Variants in RGS7 observed in about 807,000 individuals in gnomAD.
RGS7 encodes regulator of G protein signaling 7, also known as regulator of G-protein signaling 7.
Under a neutral mutation model 81.1 loss-of-function variants are expected in RGS7, and 27 were observed. The ratio of observed to expected loss-of-function variants is 0.33; its 90% CI spans 0.25 to 0.46. The LOEUF (loss-of-function observed/expected upper bound fraction) is 0.46. Among genes scored for constraint, RGS7 ranks in the 20% least tolerant of loss-of-function variants. RGS7 has a pLI of 1.00. For synonymous variants in RGS7, 208 were observed against 207.7 expected, an observed-to-expected ratio of 1.00 and a Z score of -0.01; for missense variants, 396 against 607.4, an observed-to-expected ratio of 0.65 and a Z score of 3.66.
chr1:241,271,195 A>T lies in RGS7; in HGVS notation c.78+84504T>A, dbSNP rs1489480074. Among the ~76,000 whole-genome samples the T allele has an allele frequency of 6.6e-6, 1 of 152,168 alleles. No homozygotes were observed. On this transcript the variant is annotated intron_variant, in intron 2 of 18. Transcript: ENST00000440928. The surrounding 1 kb of genome is among the most constrained non-coding windows in gnomAD (Gnocchi z 4.6). ...TCTCCTTTATAATGTGGAGCTAAAC[A>T]GTTCAAAATCTTGAACAGATCTTAT...
At chr1:240,976,910 A>ATATT (rs1558548194) in intron 4 of RGS7, among the ~76,000 whole-genome samples, 2 of 43,818 alleles carry the variant, frequency 4.6e-5, no homozygotes, top group Non-Finnish European at 7.7e-5. Flanking sequence ...TCCATCTATT[A>ATATT]TCTTTCTATC....
chr1:241,041,106 T>C (rs76171938), intron 3 of RGS7, among the ~76,000 whole-genome samples: 2,353 of 152,302 alleles, frequency 0.015, 41 homozygotes, highest in African/African-American at 0.036. Context: ...AATGTATATA[T>C]TTATTCTGAT....
intron 5 of RGS7, among the ~76,000 whole-genome samples, chr1:240,931,146 A>G (rs562439987): frequency 1.3e-5 from 2 of 152,296 alleles, no homozygotes; most frequent in Admixed American, 6.5e-5. Context: ...AATATAACAA[A>G]TTGTTTTCTA....
intron 3 of RGS7, among the ~76,000 whole-genome samples, chr1:241,039,358 A>G (rs2060489777): frequency 6.6e-6 from 1 of 152,204 alleles, no homozygotes; most frequent in Non-Finnish European, 1.5e-5. Context: ...ACAAGGCGCC[A>G]TATCTCGTTC....
At chr1:241,207,108 A>G (rs1029639826) in intron 2 of RGS7, among the ~76,000 whole-genome samples, 2 of 151,054 alleles carry the variant, frequency 1.3e-5, no homozygotes, top group African/African-American at 4.9e-5. Flanking sequence ...AGCTGGGACT[A>G]CAGGTGCCCA....
At chr1:241,004,764 G>A (rs1032564232) in intron 3 of RGS7, among the ~76,000 whole-genome samples, 1 of 152,172 alleles carries the variant, frequency 6.6e-6, no homozygotes, top group Non-Finnish European at 1.5e-5. Context: ...ATGGGGCAGA[G>A]CTCTCTCTGG....
chr1:241,091,418 G>A (rs1209104549), intron 3 of RGS7, among the ~76,000 whole-genome samples: 1 of 151,794 alleles, frequency 6.6e-6, no homozygotes, highest in South Asian at 2.1e-4. Flanking sequence ...TGTGGTGGCA[G>A]GCACCTGTAG....
chr1:241,061,657 G>A (rs1041951811), intron 3 of RGS7, among the ~76,000 whole-genome samples: 5 of 152,168 alleles, frequency 3.3e-5, no homozygotes, highest in African/African-American at 9.7e-5. Flanking sequence ...GGGAACAGGC[G>A]AGGAGAAGGC....
chr1:240,888,867 G>A (rs1016388499), intron 6 of RGS7, among the ~76,000 whole-genome samples: 2 of 152,142 alleles, frequency 1.3e-5, no homozygotes, highest in Non-Finnish European at 2.9e-5. Flanking sequence ...GAACGCGGAG[G>A]CAGAGAGAGG....
chr1:241,108,995 C>T (rs542222125), intron 2 of RGS7, among the ~76,000 whole-genome samples: 1 of 152,220 alleles, frequency 6.6e-6, no homozygotes, highest in Admixed American at 6.5e-5. Flanking sequence ...ACCTCCTGAT[C>T]CCACTTGAGC....
At chr1:241,007,170 G>A (rs570115224) in intron 3 of RGS7, among the ~76,000 whole-genome samples, 1 of 152,234 alleles carries the variant, frequency 6.6e-6, no homozygotes, top group East Asian at 1.9e-4. Context: ...ACCCATCTCA[G>A]CATCCCAAAG....
chr1:240,998,475 C>G, intron 3 of RGS7: 1 of 996,178 alleles, frequency 1.0e-6, no homozygotes, highest in Admixed American at 1.8e-5. Flanking sequence ...CCCATGTCAC[C>G]ATCAGACTTC....
At chr1:241,262,462 A>G (rs10754722) in intron 2 of RGS7, among the ~76,000 whole-genome samples, 19,942 of 152,202 alleles carry the variant, frequency 0.13, 1,456 homozygotes, top group East Asian at 0.21. Context: ...ACTATCAACA[A>G]TCTCAATAAG....
Position 240,969,352 on chromosome 1 carries a change from T to C in RGS7, c.226+13727A>G, listed in dbSNP as rs981009526. ...GCCAGCTACTGGAAGAATCAGACAA[T>C]GCCACAGGACAATTGTGCATCGTCC... is the stretch of plus-strand genomic sequence containing the variant. On this transcript the variant is annotated intron_variant, in intron 4 of 18. Coordinates refer to ENST00000440928, the MANE Select transcript of RGS7 (RefSeq NM_001364886.1). Among the ~76,000 whole-genome samples the C allele has an allele frequency of 3.9e-5, 6 of 152,162 alleles. 1 individual carries two copies. The highest frequency in any genetic ancestry group is 1.3e-4 in the Admixed American group (2 of 15,278).
chr1:241,234,847 G>A (rs1197687121), intron 2 of RGS7, among the ~76,000 whole-genome samples: 5 of 151,078 alleles, frequency 3.3e-5, no homozygotes, highest in African/African-American at 4.9e-5. Flanking sequence ...CAAAAGGATA[G>A]CAAAAGTTAA....
intron 9 of RGS7, among the ~76,000 whole-genome samples, chr1:240,831,370 A>G (rs553116803): frequency 6.6e-6 from 1 of 152,346 alleles, no homozygotes; most frequent in Admixed American, 6.5e-5. Flanking sequence ...TGCTTTCAGA[A>G]GTCATGCACT....
chr1:240,955,811 T>C (rs187328683), intron 4 of RGS7, among the ~76,000 whole-genome samples: 250 of 152,288 alleles, frequency 1.6e-3, no homozygotes, highest in African/African-American at 5.3e-3. Context: ...CACAACCAAT[T>C]GTTATGTAAA....
intron 18 of RGS7, among the ~76,000 whole-genome samples, chr1:240,782,047 T>C (rs1684207015): frequency 6.6e-6 from 1 of 151,372 alleles, no homozygotes; most frequent in Non-Finnish European, 1.5e-5. Flanking sequence ...AGTGCAGCAC[T>C]GAGGTCAAAG....
intron 2 of RGS7, among the ~76,000 whole-genome samples, chr1:241,137,215 TTCC>T (rs896193899): frequency 3.8e-4 from 58 of 152,230 alleles, no homozygotes; most frequent in African/African-American, 1.3e-3. Flanking sequence ...GCATTTTTTT[TTCC>T]TTTTCTTTCT....
Sources: gnomAD v4.1 joint callset for allele counts (sites outside exome capture counted in the v4.1 genomes callset) on GRCh38, gnomAD v4.1.1 for gene constraint, Gnocchi (gnomAD v3.1) non-coding constraint, MANE v1.5 for transcripts, NCBI Gene and HGNC (gene_info 2026-07-23, HGNC 2026-07-21) for gene names.